ECD: variants seen among roughly 807,000 people sequenced by gnomAD.
ECD encodes protein ecdysoneless homolog.
In ECD, 59 loss-of-function variants were observed where a neutral mutation model predicts 77.2. That is an observed-to-expected ratio of 0.76 (90% CI 0.62 to 0.95). ECD has a LOEUF of 0.95. ECD is among the 40% of genes least tolerant of loss of function. The pLI, the probability that ECD is intolerant of heterozygous loss-of-function variation, is 0.00. For synonymous variants in ECD, 233 were observed against 267.4 expected (o/e 0.87, Z 1.26); for missense variants, 704 against 763.4 (o/e 0.92, Z 0.92).
chr10:73,141,684 AGAAT>A (rs893841153), intron 9 of ECD, among the ~76,000 whole-genome samples: 1 of 152,174 alleles, frequency 6.6e-6, no homozygotes, highest in Non-Finnish European at 1.5e-5. Flanking sequence ...TTGATATTCC[AGAAT>A]GATTTTTATT....
Position 73,134,726 on chromosome 10 carries a change from G to A in ECD, c.1792C>T (p.Leu598=), listed in dbSNP as rs779706766. 1 of 1,614,146 alleles carries A rather than the reference G, an allele frequency of 6.2e-7. No individual in the cohort carries two copies. The highest frequency in any genetic ancestry group is 1.1e-5 in the South Asian group (1 of 91,082). ...ESVMAPVDVD[L]NLVSNILESY... is the part of the protein sequence containing the mutation. ...TCCAATATATTTGAAACCAGGTTCA[G>A]GTCTACATCTACTGGTGCCATAACA... The change falls in exon 14 of 14, where the codon CTG becomes TTG. Residue 598 remains leucine, a synonymous_variant. Coordinates refer to ENST00000372979, the MANE Select transcript of ECD (RefSeq NM_007265.3).
intron 1 of ECD, among the ~76,000 whole-genome samples, chr10:73,166,976 A>T (rs1380542473): frequency 6.6e-6 from 1 of 152,024 alleles, no homozygotes; most frequent in Non-Finnish European, 1.5e-5. Context: ...ATCCATTTTG[A>T]CTTGATTTTT....
intron 5 of ECD, among the ~76,000 whole-genome samples, chr10:73,155,269 T>C (rs1323401392): frequency 6.6e-6 from 1 of 151,988 alleles, no homozygotes; most frequent in East Asian, 2.0e-4. Context: ...GGTTTCACCA[T>C]GTTGGTCAGG....
In ECD at chr10:73,134,497, T is replaced by C. The variant is rs1842954773; in HGVS notation, c.*86A>G. On this transcript the variant is annotated 3_prime_UTR_variant, in exon 14 of 14. Coordinates refer to ENST00000372979, the MANE Select transcript of ECD (RefSeq NM_007265.3). The stretch of plus-strand genomic sequence containing the variant: ...AAAACTTGTAATGAAGAAACATTTT[T>C]ACTAAATGAGTAATCTAAACTAGAA... The C allele has an allele frequency of 3.1e-6, 4 of 1,274,288 alleles. No homozygotes were observed. Among genetic ancestry groups the C allele is most frequent in the Non-Finnish European group, 4.3e-6 (4 of 925,978 alleles). The allele number at this position is 1,274,288 out of a possible 1,614,324, so 78.9% of individuals were successfully genotyped here. A position where few individuals can be genotyped will look rare whatever the true frequency, so the allele number is the denominator to read the frequency against.
At chr10:73,154,993 T>C (rs1287452352) in intron 5 of ECD, among the ~76,000 whole-genome samples, 1 of 152,182 alleles carries the variant, frequency 6.6e-6, no homozygotes, top group African/African-American at 2.4e-5. Context: ...AAATCAGAGT[T>C]TATTCTTCTA....
chr10:73,142,861 C>T (rs1432718418), intron 9 of ECD, among the ~76,000 whole-genome samples: 4 of 152,154 alleles, frequency 2.6e-5, no homozygotes, highest in Non-Finnish European at 5.9e-5. Context: ...GAATGTCTCA[C>T]TCCTTCACTT....
chr10:73,149,630 T>C (rs1167648943), intron 7 of ECD, among the ~76,000 whole-genome samples: 2 of 152,220 alleles, frequency 1.3e-5, no homozygotes, highest in African/African-American at 2.4e-5. Flanking sequence ...TCTGAGCCCA[T>C]TTAAGGTAGG....
intron 2 of ECD, among the ~76,000 whole-genome samples, 186 bp from the exon 3 acceptor site, chr10:73,160,737 A>G (rs1271649040): frequency 2.0e-5 from 3 of 152,314 alleles, no homozygotes; most frequent in Non-Finnish European, 4.4e-5. Context: ...CAACCAAATG[A>G]TCTCAAAACA....
In ECD at chr10:73,134,537, A is replaced by T. The variant is rs973584281; in HGVS notation, c.*46T>A. On this transcript the variant is annotated 3_prime_UTR_variant, in exon 14 of 14. Transcript: ENST00000372979. The stretch of plus-strand genomic sequence containing the variant: ...CTAAACTAGAAATGAACAGAATCAT[A>T]TTCAATATTTATTTAAAAAGAAAAA... 9 of 1,486,766 alleles carry T rather than the reference A, an allele frequency of 6.1e-6. No homozygotes were observed. Among genetic ancestry groups the T allele is most frequent in the Non-Finnish European group, 8.3e-6 (9 of 1,080,990 alleles). The allele number at this position is 1,486,766 out of a possible 1,614,324, so 92.1% of individuals were successfully genotyped here.
chr10:73,135,540 G>A (rs994744639), intron 13 of ECD, among the ~76,000 whole-genome samples: 2 of 152,068 alleles, frequency 1.3e-5, no homozygotes, highest in African/African-American at 4.8e-5. Flanking sequence ...GGCCAACATG[G>A]TGAAACCCTG....
At position 73,160,035 on chromosome 10, in the gene ECD, A is replaced by G. The variant is rs576789448; in HGVS notation, c.323+399T>C. Among the ~76,000 whole-genome samples the G allele has an allele frequency of 6.6e-5, 10 of 151,820 alleles. No homozygotes were observed. In the East Asian group the frequency reaches 2.0e-3, roughly 30 times the overall value. On this transcript the variant is annotated intron_variant, in intron 3 of 13. Coordinates refer to ENST00000372979, the MANE Select transcript of ECD (RefSeq NM_007265.3). ...CGCGGTGGCTTACGCCTGTATTCCCAGCACTTTGGGAGGCCAAGGTGGGTG... is the reference window on the plus strand; with the variant it reads ...CGCGGTGGCTTACGCCTGTATTCCCGGCACTTTGGGAGGCCAAGGTGGGTG...
At chr10:73,152,864 G>A (rs888725194) in intron 6 of ECD, among the ~76,000 whole-genome samples, 5 of 150,216 alleles carry the variant, frequency 3.3e-5, no homozygotes, top group African/African-American at 1.2e-4. Context: ...GCAGTGAGCT[G>A]AGATTGCTCC....
intron 3 of ECD, among the ~76,000 whole-genome samples, chr10:73,158,597 G>A (rs570587186): frequency 8.5e-5 from 13 of 152,134 alleles, no homozygotes; most frequent in African/African-American, 2.6e-4. Context: ...TTAGCCAGGT[G>A]TGGTGGTGCA....
At chr10:73,146,054 GTTTT>G (rs985550390) in intron 9 of ECD, among the ~76,000 whole-genome samples, 1 of 147,102 alleles carries the variant, frequency 6.8e-6, no homozygotes, top group African/African-American at 2.5e-5. Flanking sequence ...TTCTTTCGTT[GTTTT>G]TTTTTTCTTT....
intron 9 of ECD, among the ~76,000 whole-genome samples, chr10:73,145,097 C>T (rs1429147349): frequency 6.6e-6 from 1 of 152,128 alleles, no homozygotes; most frequent in Non-Finnish European, 1.5e-5. Context: ...GGTGCATTGG[C>T]TCACGCCTGT....
chr10:73,147,699 T>G (rs1006620725), intron 8 of ECD, among the ~76,000 whole-genome samples: 3 of 152,190 alleles, frequency 2.0e-5, no homozygotes, highest in Non-Finnish European at 4.4e-5. Context: ...GGTTCCAAGT[T>G]TGAACCTTTC....
At position 73,163,766 on chromosome 10, in the gene ECD, G is replaced by C; in HGVS notation, c.172C>G (p.Gln58Glu). ...GGTTTATATTTAAGATTGAAAGGCTGATTCTGCCAGATGTAGGGGACCAGC... is the reference window on the plus strand; with the variant it reads ...GGTTTATATTTAAGATTGAAAGGCTCATTCTGCCAGATGTAGGGGACCAGC... ...PMLVPYIWQNQPFNLKYKPGK... is the reference protein window; with the variant it reads ...PMLVPYIWQNEPFNLKYKPGK... The change falls in exon 2 of 14, where the codon CAG becomes GAG. Residue 58 changes from glutamine to glutamate, a missense_variant. Coordinates refer to ENST00000372979, the MANE Select transcript of ECD (RefSeq NM_007265.3). The C allele has an allele frequency of 3.7e-6, 6 of 1,614,128 alleles. No homozygotes were observed. Among genetic ancestry groups the C allele is most frequent in the Non-Finnish European group, 5.1e-6 (6 of 1,180,018 alleles).
At chr10:73,157,242 G>A (rs993748236) in intron 3 of ECD, among the ~76,000 whole-genome samples, 3 of 151,252 alleles carry the variant, frequency 2.0e-5, no homozygotes, top group African/African-American at 7.3e-5. Context: ...TAGAGACAGG[G>A]TTTCGCCATG....
intron 5 of ECD, among the ~76,000 whole-genome samples, chr10:73,155,926 G>A (rs1366692542): frequency 6.6e-6 from 1 of 151,876 alleles, no homozygotes; most frequent in Non-Finnish European, 1.5e-5. Context: ...ATTTTTAAAG[G>A]TCTCAAATTT....
Sources: allele counts gnomAD v4.1 joint callset (sites outside exome capture counted in the v4.1 genomes callset), GRCh38; gene constraint gnomAD v4.1.1; transcripts MANE v1.5; gene names NCBI Gene and HGNC (gene_info 2026-07-23, HGNC 2026-07-21).